The following BASP1 variants were observed in gnomAD, a reference collection of about 807,000 sequenced individuals.
BASP1 encodes the protein brain abundant membrane attached signal protein 1.
Under a neutral mutation model 2.2 loss-of-function variants are expected in BASP1, and 1 was observed. The ratio of observed to expected loss-of-function variants is 0.46; its 90% CI spans 0.16 to 2.17. The LOEUF (loss-of-function observed/expected upper bound fraction) is 2.17. Ranked by LOEUF, BASP1 falls within the 30% of genes most tolerant of loss-of-function variation. The probability of loss-of-function intolerance (pLI) is 0.27; values close to 1 mark genes in which losing one functional copy is unlikely to be tolerated. For synonymous variants in BASP1, 187 were observed against 154.2 expected (o/e 1.21, Z -1.58); for missense variants, 352 against 327.2 (o/e 1.08, Z -0.58).
chr5:17,254,891 C>T (rs745957123), intron 1 of BASP1, among the ~76,000 whole-genome samples: 46 of 152,312 alleles, frequency 3.0e-4, no homozygotes, highest in Non-Finnish European at 4.7e-4. Context: ...ATTGGACAGA[C>T]GATTTCAGTT....
chr5:17,224,017 A>G (rs553744522), intron 1 of BASP1, among the ~76,000 whole-genome samples: 2 of 152,330 alleles, frequency 1.3e-5, no homozygotes, highest in East Asian at 3.9e-4. Flanking sequence ...CTTTGGAAGG[A>G]ATTATCCCCG....
Position 17,275,953 on chromosome 5 carries a change from C to CTCTCTCTCTCTCTCTCTA in BASP1, c.*65_*82dup. On this transcript the variant is annotated 3_prime_UTR_variant, in exon 2 of 2. Coordinates refer to ENST00000322611, the MANE Select transcript of BASP1 (RefSeq NM_006317.5). The surrounding 1 kb of genome is among the most constrained non-coding windows in gnomAD (Gnocchi z 5.3). ...CCACTTAAAACAATCTCCTCTCTCT[C>CTCTCTCTCTCTCTCTCTA]TCTCTCTCTCTCTCTCTATCTCTCT... is the stretch of plus-strand genomic sequence containing the variant. The CTCTCTCTCTCTCTCTCTA allele has an allele frequency of 7.2e-7, 1 of 1,386,068 alleles. No individual in the cohort carries two copies. The highest frequency in any genetic ancestry group is 9.6e-7 in the Non-Finnish European group (1 of 1,041,896). The allele number at this position is 1,386,068 out of a possible 1,614,324, so 85.9% of individuals were successfully genotyped here. A position where few individuals can be genotyped will look rare whatever the true frequency, so the allele number is the denominator to read the frequency against.
At position 17,236,851 on chromosome 5, in the gene BASP1, C is replaced by A. The variant is rs1031610877; in HGVS notation, c.-10+19041C>A. Among the ~76,000 whole-genome samples the A allele has an allele frequency of 3.3e-5, 5 of 152,120 alleles. No individual in the cohort carries two copies. Among genetic ancestry groups the A allele is most frequent in the African/African-American group, 9.7e-5 (4 of 41,430 alleles). ...AGTACTTTTCTTGGTATCTTCTAATCTTCAGAAAAAAATTCTTAATAGGCA... is the reference window on the plus strand; with the variant it reads ...AGTACTTTTCTTGGTATCTTCTAATATTCAGAAAAAAATTCTTAATAGGCA... On this transcript the variant is annotated intron_variant, in intron 1 of 1. Transcript: ENST00000322611. The surrounding 1 kb of genome is among the most constrained non-coding windows in gnomAD (Gnocchi z 4.0).
chr5:17,257,137 G>A (rs768753389), intron 1 of BASP1, among the ~76,000 whole-genome samples: 1 of 152,152 alleles, frequency 6.6e-6, no homozygotes, highest in Non-Finnish European at 1.5e-5. Flanking sequence ...ACATTTTTCT[G>A]TATATACTGG....
chr5:17,233,782 A>G (rs76952379), intron 1 of BASP1, among the ~76,000 whole-genome samples: 4,486 of 151,382 alleles, frequency 0.03, 92 homozygotes, highest in Non-Finnish European at 0.046. Flanking sequence ...TTTTTTTTCA[A>G]CATTCTGATA....
intron 1 of BASP1, among the ~76,000 whole-genome samples, chr5:17,266,523 G>C (rs1740417170): frequency 6.6e-6 from 1 of 152,052 alleles, no homozygotes; most frequent in Non-Finnish European, 1.5e-5. Context: ...AGCTATATCT[G>C]GGGTGGGGCA....
At chr5:17,220,711 C>T (rs925191083) in intron 1 of BASP1, among the ~76,000 whole-genome samples, 8 of 152,192 alleles carry the variant, frequency 5.3e-5, no homozygotes, top group African/African-American at 1.4e-4. Context: ...GAGCCCTAAA[C>T]ATTTAGGCTG....
At chr5:17,233,097 C>T (rs1390524383) in intron 1 of BASP1, among the ~76,000 whole-genome samples, 3 of 152,160 alleles carry the variant, frequency 2.0e-5, no homozygotes, top group Non-Finnish European at 4.4e-5. Context: ...TTTACTCATT[C>T]CAAAACATTT....
intron 1 of BASP1, among the ~76,000 whole-genome samples, chr5:17,271,390 G>A (rs1220530794): frequency 6.6e-6 from 1 of 152,156 alleles, no homozygotes; most frequent in Non-Finnish European, 1.5e-5. Context: ...CCAAAGTGCT[G>A]GGATTACAGG....
At chr5:17,270,026 G>C (rs1318807899) in intron 1 of BASP1, among the ~76,000 whole-genome samples, 1 of 152,140 alleles carries the variant, frequency 6.6e-6, no homozygotes, top group African/African-American at 2.4e-5. Context: ...TGAGACAAGA[G>C]TTTTGCTCTT....
intron 1 of BASP1, among the ~76,000 whole-genome samples, chr5:17,227,273 G>A (rs1008370770): frequency 6.6e-6 from 1 of 151,832 alleles, no homozygotes; most frequent in Non-Finnish European, 1.5e-5. Context: ...AGGCTGGAGT[G>A]CAGTGGCGCA....
chr5:17,261,382 A>G (rs1403410318), intron 1 of BASP1, among the ~76,000 whole-genome samples: 1 of 152,242 alleles, frequency 6.6e-6, no homozygotes. Flanking sequence ...CTTTCCCAGT[A>G]CTTAAGAAAT....
intron 1 of BASP1, among the ~76,000 whole-genome samples, chr5:17,257,621 C>G (rs1740240859): frequency 6.6e-6 from 1 of 152,186 alleles, no homozygotes; most frequent in African/African-American, 2.4e-5. Flanking sequence ...GAGGCTGACT[C>G]CCTGCCCCAG....
intron 1 of BASP1, among the ~76,000 whole-genome samples, chr5:17,225,264 G>C (rs1318797204): frequency 2.7e-5 from 4 of 149,336 alleles, no homozygotes; most frequent in Non-Finnish European, 1.5e-5. Flanking sequence ...TTGTACCCTA[G>C]AACCATTAAA....
intron 1 of BASP1, among the ~76,000 whole-genome samples, chr5:17,237,518 T>C (rs17652669): frequency 0.018 from 2,751 of 152,236 alleles, 90 homozygotes; most frequent in East Asian, 0.15. Context: ...GAAAATTGCC[T>C]AAATCTATAG....
intron 1 of BASP1, among the ~76,000 whole-genome samples, chr5:17,266,792 A>G (rs2126517974): frequency 6.8e-6 from 1 of 147,878 alleles, no homozygotes; most frequent in South Asian, 2.2e-4. Context: ...AGCCTGAGCG[A>G]CAGAGCAGCA....
intron 1 of BASP1, among the ~76,000 whole-genome samples, chr5:17,268,322 C>T (rs1427269453): frequency 6.6e-6 from 1 of 152,180 alleles, no homozygotes; most frequent in Non-Finnish European, 1.5e-5. Context: ...GCTATCTACT[C>T]TTCCACCTTT....
At chr5:17,262,027 C>T (rs1740324632) in intron 1 of BASP1, among the ~76,000 whole-genome samples, 1 of 152,210 alleles carries the variant, frequency 6.6e-6, no homozygotes, top group Non-Finnish European at 1.5e-5. Context: ...TTTGTAGCAG[C>T]ATATGCCTCC....
intron 1 of BASP1, among the ~76,000 whole-genome samples, chr5:17,255,444 A>G (rs191264065): frequency 6.6e-6 from 1 of 152,244 alleles, no homozygotes; most frequent in Non-Finnish European, 1.5e-5. Context: ...GTTTACTATT[A>G]CTTTCCAAGC....
Sources: gnomAD v4.1 joint callset for allele counts (sites outside exome capture counted in the v4.1 genomes callset) on GRCh38, gnomAD v4.1.1 for gene constraint, Gnocchi (gnomAD v3.1) non-coding constraint, MANE v1.5 for transcripts, NCBI Gene and HGNC (gene_info 2026-07-23, HGNC 2026-07-21) for gene names.